Variants in SEMA7A observed in about 807,000 individuals in gnomAD.
SEMA7A encodes semaphorin-7A.
A neutral mutation model predicts 67.5 loss-of-function variants in SEMA7A; 21 were observed. The ratio of observed to expected loss-of-function variants is 0.31; its 90% CI spans 0.22 to 0.45. SEMA7A has a LOEUF of 0.45. Among genes scored for constraint, SEMA7A ranks in the 20% least tolerant of loss-of-function variants. SEMA7A has a pLI of 1.00. For missense variants in SEMA7A, 774 were observed against 908.6 expected (o/e 0.85, Z 1.90); for synonymous variants, 364 against 368.5 (o/e 0.99, Z 0.14).
At position 74,410,363 on chromosome 15, in the gene SEMA7A, C is replaced by A; in HGVS notation, c.*261G>T. The A allele has an allele frequency of 2.1e-6, 1 of 466,078 alleles. No homozygotes were observed. The highest frequency in any genetic ancestry group is 3.7e-6 in the Non-Finnish European group (1 of 266,950). The allele number at this position is 466,078 out of a possible 1,614,324, so 28.9% of individuals were successfully genotyped here. On this transcript the variant is annotated 3_prime_UTR_variant, in exon 14 of 14. Transcript: ENST00000261918. This position sits in a 1 kb window ranked among gnomAD's most constrained non-coding sequence, Gnocchi z 7.5. Reference sequence around the variant, plus strand: ...TTTGAGGAGTCTGAAAAATATTTTCCAGAAGATAAAGTCTTGGGTCATCGA... The same window carrying A: ...TTTGAGGAGTCTGAAAAATATTTTCAAGAAGATAAAGTCTTGGGTCATCGA...
Position 74,410,603 on chromosome 15 carries a change from C to T in SEMA7A, c.*21G>A. On this transcript the variant is annotated 3_prime_UTR_variant, in exon 14 of 14. Transcript: ENST00000261918. The surrounding 1 kb of genome is among the most constrained non-coding windows in gnomAD (Gnocchi z 7.5). Reference sequence around the variant, plus strand: ...TGCCCTGGGCTGCAGAAGCCTGAGGCATGCCCAGCCTCGGGAGGCCCTAGT... The same window carrying T: ...TGCCCTGGGCTGCAGAAGCCTGAGGTATGCCCAGCCTCGGGAGGCCCTAGT... 1 of 1,560,540 alleles carries T rather than the reference C, an allele frequency of 6.4e-7. No homozygotes were observed.
In SEMA7A at chr15:74,423,294, G is replaced by A. The variant is rs1203606473; in HGVS notation, c.179-4342C>T. Reference sequence around the variant, plus strand: ...AAAAGAGAGTAGAGGGAAGGCCCACGTGATGCCTAGGAATTAGCCTGCAGC... The same window carrying A: ...AAAAGAGAGTAGAGGGAAGGCCCACATGATGCCTAGGAATTAGCCTGCAGC... On this transcript the variant is annotated intron_variant, in intron 1 of 13. Transcript: ENST00000261918. The surrounding 1 kb of genome is among the most constrained non-coding windows in gnomAD (Gnocchi z 4.1). 1.3e-5 allele frequency among the ~76,000 whole-genome samples: 2 copies of A among 152,162 alleles called. No individual in the cohort carries two copies. Among genetic ancestry groups the A allele is most frequent in the Non-Finnish European group, 2.9e-5 (2 of 68,034 alleles).
At chr15:74,417,750 C>CCAGGAGCCCCATCCTCCCAGGG in intron 4 of SEMA7A, 75 bp from the exon 5 acceptor site, 1 of 1,545,054 alleles carries the variant, frequency 6.5e-7, no homozygotes, top group Non-Finnish European at 8.9e-7. Flanking sequence ...AGTTTCTCGG[C>CCAGGAGCCCCATCCTCCCAGGG]CAGGAGCCCC....
At chr15:74,433,442 C>T in intron 1 of SEMA7A, 1 of 620,230 alleles carries the variant, frequency 1.6e-6, no homozygotes, top group Non-Finnish European at 2.2e-6. Context: ...AGAGAGGGGC[C>T]CGCCCCCTCC....
rs1332952621 is a variant in SEMA7A at position 74,417,681 on chromosome 15, G to A, written c.466-6C>T. On this transcript the variant is annotated splice_region_variant and splice_polypyrimidine_tract_variant and intron_variant, in intron 4 of 13. Transcript: ENST00000261918. ...GGCACCACAGTGCCATTCACCTGTG[G>A]GAGATCCAGAGGGTTGGATGGCCAC... The A allele has an allele frequency of 1.9e-6, 3 of 1,609,090 alleles. No homozygotes were observed. The Admixed American group carries it at 5.0e-5, about 27-fold the overall frequency.
chr15:74,431,332 G>A (rs1174444745), intron 1 of SEMA7A, among the ~76,000 whole-genome samples: 3 of 152,226 alleles, frequency 2.0e-5, no homozygotes, highest in Non-Finnish European at 4.4e-5. Context: ...CCTGAGCTAC[G>A]CTGTGCCAGA....
chr15:74,417,279 A>G (rs1374352930), intron 6 of SEMA7A, 56 bp downstream of exon 6: 26 of 1,368,910 alleles, frequency 1.9e-5, no homozygotes, highest in African/African-American at 2.8e-5. Context: ...CCCATCTGCC[A>G]CCTTAAGTGC....
chr15:74,433,462 C>T, intron 1 of SEMA7A: 1 of 837,468 alleles, frequency 1.2e-6, no homozygotes, highest in Non-Finnish European at 1.5e-6. Flanking sequence ...CCCTGGCGCC[C>T]GGGCGTTGCG....
In SEMA7A at chr15:74,417,984, G is replaced by A; in HGVS notation, c.373-15C>T. 1.2e-6 allele frequency: 2 copies of A among 1,611,444 alleles called. No homozygotes were observed. Among genetic ancestry groups the A allele is most frequent in the Admixed American group, 1.7e-5 (1 of 60,014 alleles). ...TTCTCGCAGTCCTGCCCGGGGAAGA[G>A]AGAAGGGAGGAGAGAAATTGGTTGC... On this transcript the variant is annotated splice_polypyrimidine_tract_variant and intron_variant, in intron 3 of 13. Coordinates refer to ENST00000261918, the MANE Select transcript of SEMA7A (RefSeq NM_003612.5).
chr15:74,428,831 A>G (rs1324383019), intron 1 of SEMA7A, among the ~76,000 whole-genome samples: 1 of 152,156 alleles, frequency 6.6e-6, no homozygotes, highest in African/African-American at 2.4e-5. Flanking sequence ...GGGCTTGGAG[A>G]GCCACCCCAT....
At position 74,417,437 on chromosome 15, in the gene SEMA7A, C is replaced by G; in HGVS notation, c.559G>C (p.Val187Leu). 1 of 1,613,646 alleles carries G rather than the reference C, an allele frequency of 6.2e-7. No homozygotes were observed. Among genetic ancestry groups the G allele is most frequent in the Non-Finnish European group, 8.5e-7 (1 of 1,179,738 alleles). The change falls in exon 6 of 14, where the codon GTG becomes CTG. Residue 187 changes from valine (V) to leucine (L), a missense_variant. Val to Leu is a conservative substitution (Grantham distance 32). This residue lies in a region of SEMA7A where 347 missense variants were observed against 353.2 expected (regional missense o/e 0.98). Coordinates refer to ENST00000261918, the MANE Select transcript of SEMA7A (RefSeq NM_003612.5). Reference protein sequence around the residue: ...NSLVLFEGDEVYSTIRKQEYN... With the variant: ...NSLVLFEGDELYSTIRKQEYN... ...TCCTGCTTCCGGATGGTGGAATACA[C>G]CTCGTCCCCTGGGGTCAGTGGGAGG...
At position 74,417,972 on chromosome 15, in the gene SEMA7A, G is replaced by A. The variant is rs749198830; in HGVS notation, c.373-3C>T. ...AGAGTGATGTAGTTCTCGCAGTCCT[G>A]CCCGGGGAAGAGAGAAGGGAGGAGA... On this transcript the variant is annotated splice_polypyrimidine_tract_variant and splice_region_variant and intron_variant, in intron 3 of 13. Coordinates refer to ENST00000261918, the MANE Select transcript of SEMA7A (RefSeq NM_003612.5). 7 of 1,612,572 alleles carry A rather than the reference G, an allele frequency of 4.3e-6. No individual in the cohort carries two copies. In the African/African-American group the frequency reaches 8.0e-5, roughly 18 times the overall value.
At chr15:74,432,215 C>T (rs1198659533) in intron 1 of SEMA7A, among the ~76,000 whole-genome samples, 1 of 152,068 alleles carries the variant, frequency 6.6e-6, no homozygotes, top group Non-Finnish European at 1.5e-5. Flanking sequence ...CTCCAGAGTG[C>T]CCACACGCTA....
rs145966521 is a variant in SEMA7A, at chr15:74,411,982, G to A, written c.1325C>T (p.Pro442Leu). The part of the protein sequence containing the change: ...DRGTIHKVVE[P>L]GEQEHSFAFN... ...GGCGAAGCTGTGCTCCTGCTCCCCC[G>A]GTTCCACCACCTTGTGGATAGTGCC... The change falls in exon 11 of 14, where the codon CCG becomes CTG. Residue 442 changes from proline to leucine, a missense_variant. This residue lies in a region of SEMA7A where 427 missense variants were observed against 555.4 expected (regional missense o/e 0.77). Coordinates refer to ENST00000261918, the MANE Select transcript of SEMA7A (RefSeq NM_003612.5). This position sits in a 1 kb window ranked among gnomAD's most constrained non-coding sequence, Gnocchi z 4.4. 47 of 1,613,988 alleles carry A rather than the reference G, an allele frequency of 2.9e-5. No individual in the cohort carries two copies. The highest frequency in any genetic ancestry group is 5.3e-5 in the African/African-American group (4 of 75,038).
At position 74,433,942 on chromosome 15, in the gene SEMA7A, G is replaced by C; in HGVS notation, c.-24C>G. ...ATCCCGTGGCCCCGGGAGCGACAGC[G>C]GCAATCAGCCGAGACTGAGCCAGCG... On this transcript the variant is annotated 5_prime_UTR_variant, in exon 1 of 14. Transcript: ENST00000261918. 2 of 1,242,786 alleles carry C rather than the reference G, an allele frequency of 1.6e-6. No individual in the cohort carries two copies. Among genetic ancestry groups the C allele is most frequent in the Non-Finnish European group, 2.0e-6 (2 of 995,754 alleles). 77.0% of individuals were successfully genotyped at this position (1,242,786 alleles called of 1,614,324 possible).
chr15:74,418,553 G>C (rs1331960037), intron 2 of SEMA7A, among the ~76,000 whole-genome samples: 2 of 152,182 alleles, frequency 1.3e-5, no homozygotes, highest in African/African-American at 4.8e-5. Context: ...TTCCAGCCTG[G>C]GCTTTCCGCA....
rs1050613203 is a variant in SEMA7A, at chr15:74,417,423, G to A, written c.573C>T (p.Ile191=). The A allele has an allele frequency of 1.1e-5, 18 of 1,613,860 alleles. No homozygotes were observed. The highest frequency in any genetic ancestry group is 1.7e-5 in the Admixed American group (1 of 60,012). Residue 191 remains isoleucine, a synonymous_variant, in exon 6 of 14, where the codon ATC becomes ATT. Coordinates refer to ENST00000261918, the MANE Select transcript of SEMA7A (RefSeq NM_003612.5). ...LFEGDEVYST[I]RKQEYNGKIP... ...TCTTCCCATTGTATTCCTGCTTCCG[G>A]ATGGTGGAATACACCTCGTCCCCTG...
At position 74,418,095 on chromosome 15, in the gene SEMA7A, C is replaced by T. The variant is rs866033157; in HGVS notation, c.373-126G>A. The T allele has an allele frequency of 4.1e-5, 50 of 1,209,936 alleles. 1 individual carries two copies. In the Middle Eastern group the frequency reaches 3.4e-3, roughly 83 times the overall value. The allele number at this position is 1,209,936 out of a possible 1,614,324, so 75.0% of individuals were successfully genotyped here. ...GGGCTTAGCATAGGTGACAGCCTCC[C>T]GGGACAGCCCAGAGTGTGTGCAGCT... On this transcript the variant is annotated intron_variant, in intron 3 of 13. Coordinates refer to ENST00000261918, the MANE Select transcript of SEMA7A (RefSeq NM_003612.5).
intron 1 of SEMA7A, among the ~76,000 whole-genome samples, chr15:74,431,859 C>T (rs1002392210): frequency 3.9e-5 from 6 of 152,096 alleles, no homozygotes; most frequent in Non-Finnish European, 7.3e-5. Context: ...GACTGGTGAA[C>T]GGTTGGCAGA....
Sources: allele counts gnomAD v4.1 joint callset (sites outside exome capture counted in the v4.1 genomes callset), GRCh38; gene constraint gnomAD v4.1.1; regional missense constraint gnomAD v4.1.1; non-coding constraint Gnocchi (gnomAD v3.1); transcripts MANE v1.5; gene names NCBI Gene and HGNC (gene_info 2026-07-23, HGNC 2026-07-21).